CFAP47: variants seen among roughly 807,000 people sequenced by gnomAD.
CFAP47 encodes the protein cilia and flagella associated protein 47.
Under a neutral mutation model 148.1 loss-of-function variants are expected in CFAP47, and 29 were observed. The observed-to-expected ratio is 0.20, with a 90% CI of 0.15 to 0.27. The LOEUF is 0.27. Among genes scored for constraint, CFAP47 ranks in the 10% least tolerant of loss-of-function variants. The probability of loss-of-function intolerance (pLI) is 1.00; values close to 1 mark genes in which losing one functional copy is unlikely to be tolerated. For synonymous variants in CFAP47, 664 were observed against 577.3 expected (o/e 1.15, Z -2.15); for missense variants, 1,872 against 1,697.5 (o/e 1.10, Z -1.81).
At chrX:36,312,160 GGAGGGTTGGGATCAGAACA>G (rs1470868966) in intron 56 of CFAP47, among the ~76,000 whole-genome samples, 2 of 110,712 alleles carry the variant, frequency 1.8e-5, no homozygotes, top group Non-Finnish European at 3.8e-5. Context: ...TAAGGGTCTA[GGAGGGTTGGGATCAGAACA>G]GAGGTAAAGG....
chrX:35,977,087 C>T (rs1180021359), intron 15 of CFAP47, among the ~76,000 whole-genome samples: 3 of 111,850 alleles, frequency 2.7e-5, no homozygotes, highest in East Asian at 5.6e-4. Flanking sequence ...GTTGAATGAT[C>T]AATACGGTAT....
intron 22 of CFAP47, among the ~76,000 whole-genome samples, chrX:36,020,357 C>T (rs1465922581): frequency 8.9e-6 from 1 of 111,804 alleles, no homozygotes; most frequent in African/African-American, 3.3e-5. Flanking sequence ...TCCTTTTGGT[C>T]TATAGTGTAG....
intron 4 of CFAP47, among the ~76,000 whole-genome samples, chrX:35,949,348 A>T (rs889327251): frequency 9.0e-6 from 1 of 111,259 alleles, no homozygotes; most frequent in Non-Finnish European, 1.9e-5. Context: ...AGGTCCTCCT[A>T]GTGGCAGTGT....
Position 36,366,675 on chromosome X carries a change from G to A in CFAP47, c.9024-291G>A, listed in dbSNP as rs782729163. ...AATCTATGCTGGTTACAGAAAATTTGCAGAGTTCATTCTGCATATGTTGTT... is the reference window on the plus strand; with the variant it reads ...AATCTATGCTGGTTACAGAAAATTTACAGAGTTCATTCTGCATATGTTGTT... On this transcript the variant is annotated intron_variant, in intron 61 of 63. Transcript: ENST00000378653. Among the ~76,000 whole-genome samples, 3 of 111,313 alleles carry A rather than the reference G, an allele frequency of 2.7e-5. No individual in the cohort carries two copies. In the South Asian group the frequency reaches 1.1e-3, roughly 41 times the overall value.
At chrX:36,098,895 G>T (rs376037432) in intron 31 of CFAP47, 21 bp downstream of exon 31, 174 of 906,849 alleles carry the variant, frequency 1.9e-4, no homozygotes, top group Admixed American at 4.1e-4. Flanking sequence ...ATAATTTCTT[G>T]GAACAAACCA....
rs140209106 is a variant in CFAP47, at chrX:36,019,898, T to A, written c.3556+4986T>A. Among the ~76,000 whole-genome samples the A allele has an allele frequency of 2.5e-3, 282 of 112,199 alleles. 3 individuals are homozygous for A. In the East Asian group the frequency reaches 0.049, roughly 19 times the overall value. The stretch of plus-strand genomic sequence containing the variant: ...TTCAAAACAACAACTTTTCATTTCA[T>A]TGATCTTTTGTACTCTCTTCATTTC... On this transcript the variant is annotated intron_variant, in intron 22 of 63. Coordinates refer to ENST00000378653, the MANE Select transcript of CFAP47 (RefSeq NM_001304548.2).
intron 46 of CFAP47, among the ~76,000 whole-genome samples, chrX:36,229,405 A>G (rs782345714): frequency 9.0e-5 from 10 of 111,468 alleles, no homozygotes; most frequent in Non-Finnish European, 1.7e-4. Context: ...TAGAATGACA[A>G]TTATTACCTT....
At chrX:36,144,702 C>G (rs1569272301) in intron 35 of CFAP47, 1 of 1,026,014 alleles carries the variant, frequency 9.7e-7, no homozygotes, top group South Asian at 1.8e-5. Context: ...GGGGGATATT[C>G]AGTTTGCTTG....
chrX:36,252,477 CTT>C (rs1200722951), intron 49 of CFAP47, among the ~76,000 whole-genome samples: 1 of 110,632 alleles, frequency 9.0e-6, no homozygotes, highest in African/African-American at 3.3e-5. Context: ...TTCTAGTGTG[CTT>C]AACCTCAAAT....
intron 42 of CFAP47, among the ~76,000 whole-genome samples, chrX:36,194,077 A>C (rs1939893419): frequency 8.9e-6 from 1 of 111,831 alleles, no homozygotes; most frequent in Non-Finnish European, 1.9e-5. Flanking sequence ...AAGAAGTTGT[A>C]GAATATAGAG....
At chrX:36,145,885 A>C (rs1389854432) in intron 36 of CFAP47, among the ~76,000 whole-genome samples, 1 of 110,496 alleles carries the variant, frequency 9.1e-6, no homozygotes, top group East Asian at 2.9e-4. Flanking sequence ...GAAGAAAAAA[A>C]AAAACAAAAC....
intron 57 of CFAP47, among the ~76,000 whole-genome samples, chrX:36,320,726 AT>A (rs1206905654): frequency 8.9e-6 from 1 of 112,175 alleles, no homozygotes; most frequent in Non-Finnish European, 1.9e-5. Context: ...GACCATCTAG[AT>A]TTTTTCCCTT....
Position 35,948,513 on chromosome X carries a change from C to G in CFAP47, c.656+61C>G. The G allele has an allele frequency of 3.3e-6, 3 of 915,305 alleles. No individual in the cohort carries two copies. In the East Asian group the frequency reaches 9.4e-5, roughly 29 times the overall value. 75.4% of individuals were successfully genotyped at this position (915,305 alleles called of 1,213,427 possible). On this transcript the variant is annotated intron_variant, in intron 4 of 63. Coordinates refer to ENST00000378653, the MANE Select transcript of CFAP47 (RefSeq NM_001304548.2). ...AGATCTCAATGCTTTCCCGTTTAAC[C>G]CTGCAGATGTGACTTTGATTGTATG...
chrX:36,314,027 A>G (rs374403750), intron 56 of CFAP47, among the ~76,000 whole-genome samples: 2 of 111,663 alleles, frequency 1.8e-5, no homozygotes, highest in East Asian at 5.6e-4. Flanking sequence ...AATTTCTAAA[A>G]CTTAGAGATA....
chrX:35,923,936 T>C (rs1164992170), intron 1 of CFAP47, among the ~76,000 whole-genome samples: 1 of 68,132 alleles, frequency 1.5e-5, no homozygotes, highest in Non-Finnish European at 2.4e-5. Flanking sequence ...TATATGTGTA[T>C]ATATGTACAT....
chrX:36,238,981 T>C lies in CFAP47; in HGVS notation c.7332+2122T>C, dbSNP rs182148254. Reference sequence around the variant, plus strand: ...AATGTTTTCCTTGTTCAATTTTTCATTGGTGCTAGTAACTATTTTTATGAT... The same window carrying C: ...AATGTTTTCCTTGTTCAATTTTTCACTGGTGCTAGTAACTATTTTTATGAT... On this transcript the variant is annotated intron_variant, in intron 48 of 63. Transcript: ENST00000378653. Among the ~76,000 whole-genome samples, 158 of 112,498 alleles carry C rather than the reference T, an allele frequency of 1.4e-3. 4 individuals are homozygous for C. In the South Asian group the frequency reaches 0.053, roughly 38 times the overall value.
Position 35,941,378 on chromosome X carries a change from C to T in CFAP47, c.497C>T (p.Thr166Ile), listed in dbSNP as rs200468650. Residue 166 changes from threonine to isoleucine, a missense_variant, in exon 3 of 64, where the codon ACT (threonine) becomes ATT (isoleucine). Transcript: ENST00000378653. ...GTATATTCTAAAGAGATTACTATCA[C>T]TAACCATGGCAAAGCTCCAGGTAAA... ...SKVYSKEITITNHGKAPGIFK... is the reference protein window; with the variant it reads ...SKVYSKEITIINHGKAPGIFK... The T allele has an allele frequency of 9.2e-7, 1 of 1,092,607 alleles. No homozygotes were observed. Among genetic ancestry groups the T allele is most frequent in the Admixed American group, 3.0e-5 (1 of 33,632 alleles). The allele number at this position is 1,092,607 out of a possible 1,213,427, so 90.0% of individuals were successfully genotyped here.
At chrX:36,150,287 A>C (rs1339451827) in intron 37 of CFAP47, among the ~76,000 whole-genome samples, 2 of 111,982 alleles carry the variant, frequency 1.8e-5, no homozygotes, top group East Asian at 5.6e-4. Context: ...GCATAATGTG[A>C]GTCTTCCCAG....
intron 60 of CFAP47, among the ~76,000 whole-genome samples, chrX:36,355,523 G>T (rs989830322): frequency 5.9e-4 from 66 of 111,667 alleles, no homozygotes; most frequent in Middle Eastern, 4.7e-3. Flanking sequence ...ATACTATCTT[G>T]AAATAATATT....
Sources: gnomAD v4.1 joint callset for allele counts (sites outside exome capture counted in the v4.1 genomes callset) on GRCh38, gnomAD v4.1.1 for gene constraint, MANE v1.5 for transcripts, NCBI Gene and HGNC (gene_info 2026-07-23, HGNC 2026-07-21) for gene names.